Variants in PRKD1 observed in about 807,000 individuals in gnomAD.
PRKD1 encodes the protein protein kinase D1.
PRKD1 carries 63 observed loss-of-function variants against 95.9 expected under a neutral mutation model. The observed-to-expected ratio is 0.66, with a 90% confidence interval of 0.54 to 0.81. PRKD1 has a LOEUF of 0.81. Among genes scored for constraint, PRKD1 ranks in the 30% least tolerant of loss-of-function variants. The pLI is 0.00. For missense variants in PRKD1, 1,048 were observed against 1,165.3 expected, an observed-to-expected ratio of 0.90 and a Z score of 1.47; for synonymous variants, 425 against 423.1, an observed-to-expected ratio of 1.00 and a Z score of -0.05.
chr14:29,785,408 T>C (rs568441794), intron 1 of PRKD1, among the ~76,000 whole-genome samples: 29 of 152,320 alleles, frequency 1.9e-4, no homozygotes, highest in African/African-American at 6.5e-4. Context: ...GATTTTCGTA[T>C]GTTCATTTTG....
intron 4 of PRKD1, among the ~76,000 whole-genome samples, chr14:29,643,341 C>T (rs1880924063): frequency 6.6e-6 from 1 of 151,944 alleles, no homozygotes; most frequent in South Asian, 2.1e-4. Context: ...TATTTTGAAG[C>T]CAGGAATAGA....
intron 1 of PRKD1, among the ~76,000 whole-genome samples, chr14:29,808,827 C>T (rs189691135): frequency 2.8e-4 from 42 of 152,292 alleles, no homozygotes; most frequent in African/African-American, 8.7e-4. Flanking sequence ...CTTATTGTTA[C>T]GGTTTTAACC....
chr14:29,747,519 T>G (rs1887284107), intron 1 of PRKD1, among the ~76,000 whole-genome samples: 1 of 152,112 alleles, frequency 6.6e-6, no homozygotes, highest in Non-Finnish European at 1.5e-5. Flanking sequence ...GCAGCACTAT[T>G]CACAATAGGC....
intron 1 of PRKD1, among the ~76,000 whole-genome samples, chr14:29,805,086 T>C (rs1411138800): frequency 6.6e-6 from 1 of 152,240 alleles, no homozygotes; most frequent in African/African-American, 2.4e-5. Context: ...AAGAATAACA[T>C]GGATATCTTG....
At chr14:29,858,386 G>A (rs992297136) in intron 1 of PRKD1, among the ~76,000 whole-genome samples, 1 of 152,168 alleles carries the variant, frequency 6.6e-6, no homozygotes, top group Non-Finnish European at 1.5e-5. Flanking sequence ...TTGAATAAGT[G>A]AATAGCTGAA....
intron 12 of PRKD1, among the ~76,000 whole-genome samples, chr14:29,624,478 T>C (rs1879485203): frequency 6.6e-6 from 1 of 152,130 alleles, no homozygotes; most frequent in Non-Finnish European, 1.5e-5. Flanking sequence ...CGCAAAAGAA[T>C]TGGGGCATTA....
At chr14:29,622,277 G>A (rs776485609) in intron 13 of PRKD1, among the ~76,000 whole-genome samples, 9 of 152,146 alleles carry the variant, frequency 5.9e-5, no homozygotes, top group Admixed American at 3.3e-4. Context: ...AACAGGCCAC[G>A]TACAGGTACA....
intron 13 of PRKD1, among the ~76,000 whole-genome samples, chr14:29,609,026 T>C (rs1878229522): frequency 6.6e-6 from 1 of 152,188 alleles, no homozygotes; most frequent in Admixed American, 6.5e-5. Flanking sequence ...ATCCACCCTC[T>C]TGTGAACAGG....
At chr14:29,660,587 T>G (rs1306035559) in intron 4 of PRKD1, among the ~76,000 whole-genome samples, 1 of 152,184 alleles carries the variant, frequency 6.6e-6, no homozygotes, top group Admixed American at 6.5e-5. Context: ...GATTAAAGTT[T>G]TCCTTTACAC....
intron 1 of PRKD1, among the ~76,000 whole-genome samples, chr14:29,773,458 T>TAAA (rs1888598977): frequency 1.1e-5 from 1 of 88,528 alleles, no homozygotes; most frequent in African/African-American, 5.1e-5. Context: ...AGGCTCTGTC[T>TAAA]CAAAAAAAAA....
At chr14:29,701,026 T>A (rs1884817990) in intron 2 of PRKD1, among the ~76,000 whole-genome samples, 1 of 124,262 alleles carries the variant, frequency 8.0e-6, no homozygotes, top group Admixed American at 7.7e-5. Context: ...GTGTGGGAAC[T>A]CTGGGAATCC....
At chr14:29,682,178 G>GT (rs1883578042) in intron 2 of PRKD1, among the ~76,000 whole-genome samples, 1 of 152,150 alleles carries the variant, frequency 6.6e-6, no homozygotes, top group South Asian at 2.1e-4. Flanking sequence ...TTGTTTCCTG[G>GT]TTTTTGTTAT....
chr14:29,762,763 T>G (rs1888056784), intron 1 of PRKD1, among the ~76,000 whole-genome samples: 1 of 110,672 alleles, frequency 9.0e-6, no homozygotes, highest in Admixed American at 8.0e-5. Flanking sequence ...TATACTAAGG[T>G]ATTTTATTTT....
At chr14:29,616,652 G>A (rs1342364573) in intron 13 of PRKD1, among the ~76,000 whole-genome samples, 1 of 152,072 alleles carries the variant, frequency 6.6e-6, no homozygotes, top group African/African-American at 2.4e-5. Flanking sequence ...ACAGTCTGGG[G>A]ATTAGAAAAC....
rs1444154275 is a variant in PRKD1, at chr14:29,826,832, TATATATACACAC to T, written c.264+100405_264+100416del. Among the ~76,000 whole-genome samples the T allele has an allele frequency of 1.5e-3, 44 of 28,754 alleles. 4 individuals are homozygous for T. The highest frequency in any genetic ancestry group is 2.2e-3 in the African/African-American group (16 of 7,190). 18.9% of individuals were successfully genotyped at this position (28,754 alleles called of 152,430 possible). On this transcript the variant is annotated intron_variant, in intron 1 of 17. Transcript: ENST00000331968. Reference sequence around the variant, plus strand: ...ATATATACACATATATATATATATATATATATACACACATATATATATATATATATATATATA... The same window carrying T: ...ATATATACACATATATATATATATATATATATATATATATATATATATATA...
chr14:29,775,123 T>A (rs1171180321), intron 1 of PRKD1, among the ~76,000 whole-genome samples: 1 of 150,948 alleles, frequency 6.6e-6, no homozygotes, highest in East Asian at 2.0e-4. Context: ...AAAAAAAAAA[T>A]GAACTTACTG....
chr14:29,890,524 G>C (rs944130870), intron 1 of PRKD1, among the ~76,000 whole-genome samples: 2 of 152,148 alleles, frequency 1.3e-5, no homozygotes, highest in African/African-American at 4.8e-5. Context: ...TAGATACATA[G>C]ATAGACGGAA....
chr14:29,718,160 G>A (rs994892391), intron 2 of PRKD1, among the ~76,000 whole-genome samples: 4 of 152,118 alleles, frequency 2.6e-5, no homozygotes, highest in African/African-American at 4.8e-5. Context: ...GTTAGGCTTC[G>A]TGTCCCCACC....
At chr14:29,634,044 A>C (rs1880200628) in intron 8 of PRKD1, among the ~76,000 whole-genome samples, 1 of 152,326 alleles carries the variant, frequency 6.6e-6, no homozygotes, top group African/African-American at 2.4e-5. Context: ...ACGAAGTATA[A>C]GATAGTTATC....
Sources: allele counts gnomAD v4.1 joint callset (sites outside exome capture counted in the v4.1 genomes callset), GRCh38; gene constraint gnomAD v4.1.1; transcripts MANE v1.5; gene names NCBI Gene and HGNC (gene_info 2026-07-23, HGNC 2026-07-21).